Variants in DCAF7 observed in about 807,000 individuals in gnomAD.
DCAF7 encodes the protein DDB1 and CUL4 associated factor 7, also known as DDB1- and CUL4-associated factor 7.
DCAF7 carries 4 observed loss-of-function variants against 41.2 expected under a neutral mutation model. The observed-to-expected ratio is 0.10, with a 90% CI of 0.05 to 0.22. DCAF7 has a LOEUF of 0.22. DCAF7 is among the 10% of genes least tolerant of loss of function. DCAF7 has a pLI of 1.00. For missense variants in DCAF7, 131 were observed against 443.2 expected (o/e 0.30, Z 6.32); for synonymous variants, 143 against 164.2 (o/e 0.87, Z 0.99).
intron 2 of DCAF7, 86 bp downstream of exon 2, chr17:63,578,714 G>C (rs1407834585): frequency 1.9e-6 from 3 of 1,567,318 alleles, no homozygotes; most frequent in African/African-American, 1.4e-5. Context: ...ACAGACAGGG[G>C]TCAGAGGCAG....
chr17:63,581,721 C>T (rs981414668), intron 4 of DCAF7, among the ~76,000 whole-genome samples: 2 of 152,214 alleles, frequency 1.3e-5, no homozygotes, highest in Admixed American at 1.3e-4. Context: ...GCAGACAGGC[C>T]TGGACCGGCA....
In DCAF7 at chr17:63,588,479, G is replaced by A. The variant is rs530701631; in HGVS notation, c.857-521G>A. Among the ~76,000 whole-genome samples, 4 of 149,980 alleles carry A rather than the reference G, an allele frequency of 2.7e-5. No individual in the cohort carries two copies. In the East Asian group the frequency reaches 7.7e-4, roughly 29 times the overall value. Reference sequence around the variant, plus strand: ...TCCAAAGTGTTGGGATTACAGGTGTGAGCCACCATGCCTGGCCAGGAAAGA... The same window carrying A: ...TCCAAAGTGTTGGGATTACAGGTGTAAGCCACCATGCCTGGCCAGGAAAGA... On this transcript the variant is annotated intron_variant, in intron 6 of 6. Coordinates refer to ENST00000614556, the MANE Select transcript of DCAF7 (RefSeq NM_005828.5).
chr17:63,559,371 ATATGTG>A (rs2033349116), intron 1 of DCAF7, among the ~76,000 whole-genome samples: 1 of 79,768 alleles, frequency 1.3e-5, no homozygotes, highest in African/African-American at 6.8e-5. Flanking sequence ...ATGTATATAT[ATATGTG>A]TATATATATG....
chr17:63,551,305 C>CCG (rs2033251254), intron 1 of DCAF7, among the ~76,000 whole-genome samples: 3 of 122,270 alleles, frequency 2.5e-5, no homozygotes, highest in Non-Finnish European at 3.7e-5. Flanking sequence ...CCCCCTACTC[C>CCG]CACCCCCCCC....
intron 4 of DCAF7, 111 bp downstream of exon 4, chr17:63,580,054 A>G (rs1285407002): frequency 3.9e-6 from 3 of 775,454 alleles, no homozygotes; most frequent in East Asian, 2.8e-5. Context: ...AAATCATAAC[A>G]TAACATCTTC....
Position 63,559,362 on chromosome 17 carries a change from T to TATATATATAC in DCAF7, c.138+8547_138+8548insATATATATAC, listed in dbSNP as rs1568097709. Among the ~76,000 whole-genome samples, 53 of 120,328 alleles carry TATATATATAC rather than the reference T, an allele frequency of 4.4e-4. 2 individuals are homozygous for TATATATATAC. In the East Asian group the frequency reaches 9.8e-3, roughly 22 times the overall value. 78.9% of individuals were successfully genotyped at this position (120,328 alleles called of 152,430 possible). Reference sequence around the variant, plus strand: ...ACATATATATACGTATATATATGTATGTATATATATATGTGTATATATATG... The same window carrying TATATATATAC: ...ACATATATATACGTATATATATGTATATATATATACGTATATATATATGTGTATATATATG... On this transcript the variant is annotated intron_variant, in intron 1 of 6. Coordinates refer to ENST00000614556, the MANE Select transcript of DCAF7 (RefSeq NM_005828.5).
At chr17:63,580,169 A>G (rs1000845777) in intron 4 of DCAF7, among the ~76,000 whole-genome samples, 1 of 152,152 alleles carries the variant, frequency 6.6e-6, no homozygotes. Context: ...ACGGTCTGTC[A>G]TTGTTCTTTT....
At position 63,578,459 on chromosome 17, in the gene DCAF7, G is replaced by T. The variant is rs2033586120; in HGVS notation, c.139-11G>T. 1.5e-5 allele frequency: 25 copies of T among 1,613,808 alleles called. No individual in the cohort carries two copies. Among genetic ancestry groups the T allele is most frequent in the Non-Finnish European group, 2.0e-5 (24 of 1,179,848 alleles). On this transcript the variant is annotated splice_polypyrimidine_tract_variant and intron_variant, in intron 1 of 6. Transcript: ENST00000614556. Reference sequence around the variant, plus strand: ...CAAATGCTTATGTGGCTCAACTTTGGTATGTTACAGGTTCAGCTTGTTGGT... The same window carrying T: ...CAAATGCTTATGTGGCTCAACTTTGTTATGTTACAGGTTCAGCTTGTTGGT...
At chr17:63,588,405 C>G (rs930351639) in intron 6 of DCAF7, among the ~76,000 whole-genome samples, 8 of 150,798 alleles carry the variant, frequency 5.3e-5, no homozygotes, top group Non-Finnish European at 1.2e-4. Flanking sequence ...CCATGTTGTC[C>G]AGGCTGGTCT....
intron 1 of DCAF7, among the ~76,000 whole-genome samples, chr17:63,567,929 T>C (rs1374413601): frequency 6.6e-6 from 1 of 152,064 alleles, no homozygotes; most frequent in Admixed American, 6.6e-5. Context: ...CATCCCAGGG[T>C]GTTGGGATTA....
At chr17:63,588,746 G>C (rs1455962213) in intron 6 of DCAF7, among the ~76,000 whole-genome samples, 1 of 152,170 alleles carries the variant, frequency 6.6e-6, no homozygotes, top group Non-Finnish European at 1.5e-5. Context: ...AGAGCCTGGG[G>C]ACATCTGGGA....
chr17:63,552,642 T>C (rs1646789705), intron 1 of DCAF7: 1 of 152,230 alleles, frequency 6.6e-6, no homozygotes, highest in East Asian at 1.9e-4. Flanking sequence ...GCTTAAGTCT[T>C]TTTACACAAA....
chr17:63,576,820 T>C (rs778866719), intron 1 of DCAF7, among the ~76,000 whole-genome samples: 2 of 152,180 alleles, frequency 1.3e-5, no homozygotes, highest in Non-Finnish European at 2.9e-5. Context: ...AGGCTGAAGC[T>C]GGAGGATTGC....
rs1238032182 is a variant in DCAF7 at position 63,583,523 on chromosome 17, C to T, written c.550C>T (p.Arg184Trp). ...DKEVYDIAFS[R>W]AGGGRDMFAS... ...ACAGGTCTATGATATTGCATTTAGC[C>T]GGGCCGGGGGTGGCAGGGACATGTT... is the stretch of plus-strand genomic sequence containing the variant. The change falls in exon 5 of 7, where the codon CGG becomes TGG. Residue 184 changes from arginine (R) to tryptophan (W), a missense_variant. Coordinates refer to ENST00000614556, the MANE Select transcript of DCAF7 (RefSeq NM_005828.5). 5.6e-6 allele frequency: 9 copies of T among 1,613,870 alleles called. No homozygotes were observed. The highest frequency in any genetic ancestry group is 1.7e-5 in the Admixed American group (1 of 60,002).
rs113506184 is a variant in DCAF7, at chr17:63,575,203, C to T, written c.139-3267C>T. Among the ~76,000 whole-genome samples the T allele has an allele frequency of 5.3e-4, 81 of 152,112 alleles. 1 individual carries two copies. Among genetic ancestry groups the T allele is most frequent in the Middle Eastern group, 6.8e-3 (2 of 294 alleles). On this transcript the variant is annotated intron_variant, in intron 1 of 6. Coordinates refer to ENST00000614556, the MANE Select transcript of DCAF7 (RefSeq NM_005828.5). ...AAAATTAGCCAGGCGTGGTCACGCA[C>T]GCCTATAATTCCAGCAACATGGGAG...
intron 1 of DCAF7, among the ~76,000 whole-genome samples, chr17:63,567,955 G>A (rs577442918): frequency 6.6e-5 from 10 of 152,032 alleles, no homozygotes; most frequent in South Asian, 6.2e-4. Context: ...ATGAGCCACC[G>A]CACCCAGCCT....
At chr17:63,566,195 C>T (rs567005393) in intron 1 of DCAF7, among the ~76,000 whole-genome samples, 1 of 151,862 alleles carries the variant, frequency 6.6e-6, no homozygotes, top group African/African-American at 2.4e-5. Flanking sequence ...ACTGTGAAAC[C>T]CTGTCTCTAC....
chr17:63,561,271 TAAAAA>T (rs1330395104), intron 1 of DCAF7, among the ~76,000 whole-genome samples: 2 of 151,668 alleles, frequency 1.3e-5, no homozygotes, highest in East Asian at 1.9e-4. Context: ...TCTCAAAAAA[TAAAAA>T]AGAAAAGTAC....
At position 63,583,621 on chromosome 17, in the gene DCAF7, C is replaced by T. The variant is rs1044399459; in HGVS notation, c.648C>T (p.Tyr216=). ...ATCTAGAACACAGCACCATCATTTA[C>T]GAAGACCCACAGCATCACCCACTGC... ...LRHLEHSTII[Y]EDPQHHPLLR... is the part of the protein sequence containing the mutation. The change falls in exon 5 of 7, where the codon TAC becomes TAT. Residue 216 remains tyrosine (Y), a synonymous_variant. Coordinates refer to ENST00000614556, the MANE Select transcript of DCAF7 (RefSeq NM_005828.5). The T allele has an allele frequency of 8.1e-6, 13 of 1,612,412 alleles. No individual in the cohort carries two copies. Among genetic ancestry groups the T allele is most frequent in the South Asian group, 1.1e-5 (1 of 91,016 alleles).
Sources: gnomAD v4.1 joint callset for allele counts (sites outside exome capture counted in the v4.1 genomes callset) on GRCh38, gnomAD v4.1.1 for gene constraint, MANE v1.5 for transcripts, NCBI Gene and HGNC (gene_info 2026-07-23, HGNC 2026-07-21) for gene names.